The following CCDC178 variants were observed in gnomAD, a reference collection of about 807,000 sequenced individuals.
The protein encoded by CCDC178 is coiled-coil domain containing 178.
In CCDC178, 126 loss-of-function variants were observed where a neutral mutation model predicts 117.4. The ratio of observed to expected loss-of-function variants is 1.07; its 90% CI spans 0.93 to 1.24. CCDC178 has a LOEUF of 1.24. Among genes scored for constraint, CCDC178 ranks in the 50% most tolerant of loss-of-function variants. The probability of loss-of-function intolerance (pLI) is 0.00; values close to 1 mark genes in which losing one functional copy is unlikely to be tolerated. For synonymous variants in CCDC178, 283 were observed against 313.4 expected, an observed-to-expected ratio of 0.90 and a Z score of 1.02; for missense variants, 1,030 against 986.9, an observed-to-expected ratio of 1.04 and a Z score of -0.59.
chr18:33,429,376 C>CAG (rs990898615), intron 2 of CCDC178, among the ~76,000 whole-genome samples: 5 of 150,830 alleles, frequency 3.3e-5, no homozygotes, highest in African/African-American at 7.3e-5. Context: ...GAGAGACAGA[C>CAG]AGAGAGAGAG....
chr18:33,095,670 T>C (rs2057530827), intron 20 of CCDC178, among the ~76,000 whole-genome samples: 1 of 151,924 alleles, frequency 6.6e-6, no homozygotes. Context: ...AACCACACAT[T>C]TTATTTTTCA....
chr18:33,187,214 C>G (rs1345607032), intron 20 of CCDC178, among the ~76,000 whole-genome samples: 2 of 152,012 alleles, frequency 1.3e-5, no homozygotes, highest in African/African-American at 2.4e-5. Flanking sequence ...ACCCCATGAT[C>G]CATCATCTCC....
chr18:33,165,899 G>A (rs2058522233), intron 20 of CCDC178, among the ~76,000 whole-genome samples: 1 of 151,864 alleles, frequency 6.6e-6, no homozygotes, highest in East Asian at 1.9e-4. Flanking sequence ...TACTTTCAAT[G>A]GAAAAAAAAG....
At chr18:33,022,828 T>C (rs78547694) in intron 21 of CCDC178, among the ~76,000 whole-genome samples, 5,297 of 152,130 alleles carry the variant, frequency 0.035, 148 homozygotes, top group East Asian at 0.08. Context: ...CTCAACTATG[T>C]ACTGTCAACA....
At chr18:32,962,729 CTTTTGGGGGGTTCT>C in intron 22 of CCDC178, among the ~76,000 whole-genome samples, 1 of 151,786 alleles carries the variant, frequency 6.6e-6, no homozygotes, top group Admixed American at 6.6e-5. Context: ...ATGTGTATCT[CTTTTGGGGGGTTCT>C]TTGAATTAAT....
chr18:33,121,975 G>A (rs2057942670), intron 20 of CCDC178, among the ~76,000 whole-genome samples: 1 of 152,100 alleles, frequency 6.6e-6, no homozygotes. Context: ...CAGGTTTGTA[G>A]CCCAGAAGCA....
At chr18:33,319,433 G>A (rs139132310) in intron 11 of CCDC178, among the ~76,000 whole-genome samples, 10,820 of 151,920 alleles carry the variant, frequency 0.071, 1,251 homozygotes, top group African/African-American at 0.25. Context: ...TCTTAATCCC[G>A]TCCATCATTG....
intron 20 of CCDC178, among the ~76,000 whole-genome samples, chr18:33,145,734 C>G (rs553173984): frequency 3.2e-4 from 49 of 152,282 alleles, no homozygotes; most frequent in Middle Eastern, 3.4e-3. Context: ...CTTCAGCTTT[C>G]TCTTCTACTG....
intron 12 of CCDC178, among the ~76,000 whole-genome samples, chr18:33,273,118 G>C (rs898383446): frequency 5.9e-5 from 9 of 151,332 alleles, no homozygotes; most frequent in Admixed American, 4.0e-4. Flanking sequence ...TGTATTTGCA[G>C]ATAAAAGGAT....
chr18:32,970,265 A>C (rs2054898387), intron 22 of CCDC178, among the ~76,000 whole-genome samples: 1 of 151,952 alleles, frequency 6.6e-6, no homozygotes, highest in African/African-American at 2.4e-5. Flanking sequence ...TCTGCCAGTC[A>C]TGCCTTTGTG....
chr18:33,319,844 G>C (rs1333336265), intron 11 of CCDC178, among the ~76,000 whole-genome samples: 1 of 152,150 alleles, frequency 6.6e-6, no homozygotes, highest in Non-Finnish European at 1.5e-5. Flanking sequence ...CTTCTTTTGA[G>C]AAGTGTCTGT....
At chr18:32,958,598 A>G (rs2054640892) in intron 22 of CCDC178, among the ~76,000 whole-genome samples, 1 of 152,196 alleles carries the variant, frequency 6.6e-6, no homozygotes, top group African/African-American at 2.4e-5. Flanking sequence ...CAGAGAATGC[A>G]ATGTGTACTG....
At chr18:33,245,875 G>C (rs1599047088) in intron 14 of CCDC178, among the ~76,000 whole-genome samples, 1 of 151,864 alleles carries the variant, frequency 6.6e-6, no homozygotes, top group Non-Finnish European at 1.5e-5. Flanking sequence ...AATTCTTTTT[G>C]TAGGTGGGAT....
intron 21 of CCDC178, among the ~76,000 whole-genome samples, chr18:33,006,114 A>G (rs537323608): frequency 6.6e-6 from 1 of 152,224 alleles, no homozygotes; most frequent in East Asian, 1.9e-4. Context: ...TCATATTTTT[A>G]GACTAAATGA....
chr18:33,378,354 T>C (rs2063391704), intron 5 of CCDC178, among the ~76,000 whole-genome samples: 3 of 152,212 alleles, frequency 2.0e-5, no homozygotes, highest in African/African-American at 7.2e-5. Context: ...CTTTAGGGTT[T>C]TCTAGGTATA....
chr18:33,187,338 A>G (rs988881675), intron 20 of CCDC178, among the ~76,000 whole-genome samples: 1 of 152,022 alleles, frequency 6.6e-6, no homozygotes, highest in African/African-American at 2.4e-5. Flanking sequence ...ATGACTCCAT[A>G]TTCAGTTCAT....
chr18:32,972,904 A>G (rs2054957926), intron 22 of CCDC178, among the ~76,000 whole-genome samples: 1 of 152,102 alleles, frequency 6.6e-6, no homozygotes, highest in Admixed American at 6.6e-5. Flanking sequence ...GAAATATTCT[A>G]AATGGAAGCC....
chr18:33,394,963 A>G lies in CCDC178; in HGVS notation c.118+2186T>C, dbSNP rs1487762627. Among the ~76,000 whole-genome samples the G allele has an allele frequency of 1.9e-4, 25 of 132,334 alleles. 1 individual carries two copies. The highest frequency in any genetic ancestry group is 5.2e-4 in the African/African-American group (19 of 36,308). 86.8% of individuals were successfully genotyped at this position (132,334 alleles called of 152,430 possible). A position where few individuals can be genotyped will look rare whatever the true frequency, so the allele number is the denominator to read the frequency against. On this transcript the variant is annotated intron_variant, in intron 4 of 22. Coordinates refer to ENST00000383096, the MANE Select transcript of CCDC178 (RefSeq NM_001105528.4). ...TATGTGTATATATATATATATATAT[A>G]TATATATATATATATATATATATAT...
intron 22 of CCDC178, among the ~76,000 whole-genome samples, chr18:32,972,919 C>T (rs1216956258): frequency 1.3e-5 from 2 of 151,964 alleles, no homozygotes; most frequent in African/African-American, 4.8e-5. Flanking sequence ...GAAGCCATCT[C>T]CAATAGATAA....
Sources: allele counts gnomAD v4.1 joint callset (sites outside exome capture counted in the v4.1 genomes callset), GRCh38; gene constraint gnomAD v4.1.1; transcripts MANE v1.5; gene names NCBI Gene and HGNC (gene_info 2026-07-23, HGNC 2026-07-21).